CLASP2: variants seen among roughly 807,000 people sequenced by gnomAD.
The protein encoded by CLASP2 is CLIP-associating protein 2.
In CLASP2, 47 loss-of-function variants were observed where a neutral mutation model predicts 194.4. The ratio of observed to expected loss-of-function variants is 0.24; its 90% CI spans 0.19 to 0.31. CLASP2 has a LOEUF of 0.31. CLASP2 is among the 10% of genes least tolerant of loss of function. CLASP2 has a pLI of 1.00. For missense variants in CLASP2, 1,445 were observed against 1,823.6 expected (o/e 0.79, Z 3.78); for synonymous variants, 619 against 633.5 (o/e 0.98, Z 0.34).
chr3:33,682,188 T>C (rs990809727), intron 6 of CLASP2, among the ~76,000 whole-genome samples: 2 of 152,182 alleles, frequency 1.3e-5, no homozygotes, highest in Non-Finnish European at 2.9e-5. Flanking sequence ...CACACACTTA[T>C]GATATTTATG....
intron 6 of CLASP2, among the ~76,000 whole-genome samples, chr3:33,671,840 C>A (rs950763366): frequency 3.3e-5 from 5 of 152,208 alleles, no homozygotes; most frequent in Non-Finnish European, 7.3e-5. Context: ...TCACTGATTG[C>A]TAGCACAGCA....
At chr3:33,690,349 T>C (rs1313479788) in intron 2 of CLASP2, among the ~76,000 whole-genome samples, 2 of 152,174 alleles carry the variant, frequency 1.3e-5, no homozygotes, top group South Asian at 4.1e-4. Context: ...CAAATGTCTA[T>C]TTTTTAGACA....
intron 7 of CLASP2, among the ~76,000 whole-genome samples, chr3:33,662,666 C>T (rs2154332880): frequency 6.6e-6 from 1 of 152,202 alleles, no homozygotes; most frequent in Admixed American, 6.5e-5. Flanking sequence ...ATTCACACAC[C>T]AAATTTTTAC....
chr3:33,557,532 T>C (rs34606964), intron 29 of CLASP2, among the ~76,000 whole-genome samples: 40,300 of 151,830 alleles, frequency 0.27, 5,978 homozygotes, highest in Admixed American at 0.39. Context: ...CTACCACACC[T>C]AGTTAACTCC....
At chr3:33,633,008 C>T (rs990329857) in intron 8 of CLASP2, among the ~76,000 whole-genome samples, 1 of 152,158 alleles carries the variant, frequency 6.6e-6, no homozygotes, top group Admixed American at 6.5e-5. Context: ...CTCTTAAACT[C>T]TGGCAATAGG....
intron 6 of CLASP2, among the ~76,000 whole-genome samples, chr3:33,672,859 G>T (rs2087642668): frequency 6.6e-6 from 1 of 152,106 alleles, no homozygotes; most frequent in Non-Finnish European, 1.5e-5. Flanking sequence ...AAGATGAAAT[G>T]AATGAAATGA....
chr3:33,556,116 A>G (rs989314876), intron 29 of CLASP2, among the ~76,000 whole-genome samples: 1 of 152,262 alleles, frequency 6.6e-6, no homozygotes, highest in African/African-American at 2.4e-5. Context: ...TTATCTTTAA[A>G]GTATTACTAA....
At chr3:33,663,197 C>CAAAAAAAAAAAAAA (rs60671856) in intron 7 of CLASP2, among the ~76,000 whole-genome samples, 2 of 100,768 alleles carry the variant, frequency 2.0e-5, no homozygotes, top group Non-Finnish European at 4.0e-5. Context: ...GCAGTATCAC[C>CAAAAAAAAAAAAAA]AAAAAAAAAA....
At chr3:33,654,741 CTATATTTTAA>C (rs1354177160) in intron 7 of CLASP2, among the ~76,000 whole-genome samples, 3 of 152,018 alleles carry the variant, frequency 2.0e-5, no homozygotes, top group African/African-American at 7.2e-5. Context: ...AGACAACTGG[CTATATTTTAA>C]TATTCACATG....
intron 16 of CLASP2, among the ~76,000 whole-genome samples, chr3:33,605,696 G>A (rs377745456): frequency 3.7e-4 from 56 of 152,258 alleles, no homozygotes; most frequent in African/African-American, 1.3e-3. Context: ...TCAGCTCACT[G>A]CAACCTCCAC....
chr3:33,515,937 C>T (rs913683031), intron 36 of CLASP2, 86 bp downstream of exon 36: 29 of 1,331,250 alleles, frequency 2.2e-5, no homozygotes, highest in East Asian at 1.7e-4. Context: ...TCAAGAAAAT[C>T]ATTAATAAGG....
intron 29 of CLASP2, among the ~76,000 whole-genome samples, chr3:33,554,466 G>C (rs2060580210): frequency 6.6e-6 from 1 of 152,156 alleles, no homozygotes; most frequent in African/African-American, 2.4e-5. Context: ...CAAATTTATA[G>C]AAACAGAGAG....
At chr3:33,659,467 T>A in intron 7 of CLASP2, 1 of 938,746 alleles carries the variant, frequency 1.1e-6, no homozygotes. Flanking sequence ...ATTAACTGAT[T>A]TGCGCCTTTT....
intron 6 of CLASP2, among the ~76,000 whole-genome samples, chr3:33,675,209 T>A (rs1184817873): frequency 2.6e-5 from 4 of 151,600 alleles, no homozygotes; most frequent in African/African-American, 9.7e-5. Flanking sequence ...GCAAACCGAA[T>A]CCAGCAGCAC....
Position 33,696,849 on chromosome 3 carries a change from A to T in CLASP2, c.274+6T>A. The T allele has an allele frequency of 1.3e-6, 2 of 1,554,284 alleles. No individual in the cohort carries two copies. The highest frequency in any genetic ancestry group is 1.8e-6 in the Non-Finnish European group (2 of 1,138,956). ...TTAGAATTGTAAATAAACAAAGTTA[A>T]CTTACCCATTGCTACATAGGATTTA... On this transcript the variant is annotated splice_donor_region_variant and intron_variant, in intron 2 of 38. Transcript: ENST00000682230.
At chr3:33,612,430 C>A (rs547535474) in intron 12 of CLASP2, among the ~76,000 whole-genome samples, 1 of 152,160 alleles carries the variant, frequency 6.6e-6, no homozygotes, top group Non-Finnish European at 1.5e-5. Context: ...GGTAAAAAAT[C>A]ATAATTGCCA....
At chr3:33,639,111 G>A (rs1021901867) in intron 8 of CLASP2, among the ~76,000 whole-genome samples, 3 of 152,160 alleles carry the variant, frequency 2.0e-5, no homozygotes, top group South Asian at 2.1e-4. Context: ...GGGCTGGAGC[G>A]CAGTGGTGTG....
chr3:33,542,676 T>A (rs1015290479), intron 32 of CLASP2, among the ~76,000 whole-genome samples: 2 of 150,852 alleles, frequency 1.3e-5, no homozygotes, highest in Non-Finnish European at 3.0e-5. Context: ...ATATGATACA[T>A]ATATAATGTC....
At chr3:33,668,893 C>T (rs943213765) in intron 6 of CLASP2, among the ~76,000 whole-genome samples, 7 of 152,202 alleles carry the variant, frequency 4.6e-5, no homozygotes, top group South Asian at 4.1e-4. Context: ...CTACCCACTT[C>T]GAGGAGGGAG....
Sources: gnomAD v4.1 joint callset for allele counts (sites outside exome capture counted in the v4.1 genomes callset) on GRCh38, gnomAD v4.1.1 for gene constraint, MANE v1.5 for transcripts, NCBI Gene and HGNC (gene_info 2026-07-23, HGNC 2026-07-21) for gene names.